Variants in RSRC1 observed in about 807,000 individuals in gnomAD.
RSRC1 encodes serine/Arginine-related protein 53.
A neutral mutation model predicts 49.1 loss-of-function variants in RSRC1; 39 were observed. That is an observed-to-expected ratio of 0.79 (90% CI 0.61 to 1.04). The LOEUF is 1.04. RSRC1 is among the 50% of genes least tolerant of loss of function. The pLI, the probability that RSRC1 is intolerant of heterozygous loss-of-function variation, is 0.00. For synonymous variants in RSRC1, 143 were observed against 130.8 expected (o/e 1.09, Z -0.63); for missense variants, 388 against 402.4 (o/e 0.96, Z 0.31).
chr3:158,421,236 C>T (rs1439726587), intron 6 of RSRC1, among the ~76,000 whole-genome samples: 1 of 151,804 alleles, frequency 6.6e-6, no homozygotes, highest in African/African-American at 2.4e-5. Context: ...CTGGATGGAG[C>T]TGTTAAGAAG....
At chr3:158,301,489 G>T (rs2108124246) in intron 5 of RSRC1, among the ~76,000 whole-genome samples, 1 of 152,054 alleles carries the variant, frequency 6.6e-6, no homozygotes, top group East Asian at 1.9e-4. Flanking sequence ...TTGATGCTCA[G>T]ATTGTCCCAG....
chr3:158,178,858 G>T (rs771167465), intron 3 of RSRC1, among the ~76,000 whole-genome samples: 2 of 152,024 alleles, frequency 1.3e-5, no homozygotes, highest in Non-Finnish European at 2.9e-5. Flanking sequence ...ATTAGGTTTT[G>T]ACCTTTTTTT....
At chr3:158,460,293 G>C (rs1034221396) in intron 6 of RSRC1, among the ~76,000 whole-genome samples, 4 of 151,828 alleles carry the variant, frequency 2.6e-5, no homozygotes, top group African/African-American at 7.2e-5. Flanking sequence ...TTAATTTACA[G>C]AGTATATTGA....
At chr3:158,500,517 T>A (rs1412851243) in intron 7 of RSRC1, among the ~76,000 whole-genome samples, 4 of 152,266 alleles carry the variant, frequency 2.6e-5, no homozygotes, top group South Asian at 2.1e-4. Context: ...ATAATTTTTT[T>A]AATTACCATT....
intron 7 of RSRC1, among the ~76,000 whole-genome samples, chr3:158,502,877 G>A (rs185175550): frequency 2.6e-5 from 4 of 152,222 alleles, no homozygotes; most frequent in Admixed American, 2.0e-4. Flanking sequence ...TGATTTCAGG[G>A]ATTTCTTTTT....
intron 6 of RSRC1, among the ~76,000 whole-genome samples, chr3:158,398,828 CAT>C (rs1316001861): frequency 2.6e-5 from 4 of 152,030 alleles, no homozygotes; most frequent in African/African-American, 9.7e-5. Flanking sequence ...TACTGGGAAA[CAT>C]AGCAAGTATT....
chr3:158,346,662 T>A (rs1156517950), intron 5 of RSRC1, among the ~76,000 whole-genome samples: 1 of 152,192 alleles, frequency 6.6e-6, no homozygotes, highest in Non-Finnish European at 1.5e-5. Flanking sequence ...ACTGTAACTC[T>A]CATACCCTAC....
intron 5 of RSRC1, among the ~76,000 whole-genome samples, chr3:158,320,594 A>G (rs827117): frequency 0.95 from 144,096 of 152,254 alleles, 68,293 homozygotes; most frequent in East Asian, 1. Flanking sequence ...GCTATTCACA[A>G]CAATAATTCC....
chr3:158,148,306 C>T (rs1717288101), intron 3 of RSRC1, among the ~76,000 whole-genome samples: 1 of 151,876 alleles, frequency 6.6e-6, no homozygotes. Context: ...GCAATTTGAT[C>T]ATTCTCCTCA....
chr3:158,205,675 GAGT>G (rs1174296194), intron 4 of RSRC1, among the ~76,000 whole-genome samples: 1 of 152,112 alleles, frequency 6.6e-6, no homozygotes, highest in Non-Finnish European at 1.5e-5. Flanking sequence ...ACCTAACTAA[GAGT>G]AGCTTAAATT....
intron 3 of RSRC1, among the ~76,000 whole-genome samples, chr3:158,188,047 A>G (rs183322235): frequency 6.6e-5 from 10 of 152,024 alleles, no homozygotes; most frequent in African/African-American, 2.4e-4. Context: ...TACTTTACCA[A>G]TATCAAGGCT....
intron 3 of RSRC1, among the ~76,000 whole-genome samples, chr3:158,153,446 T>A (rs1646245417): frequency 6.6e-6 from 1 of 152,206 alleles, no homozygotes; most frequent in East Asian, 1.9e-4. Flanking sequence ...CTAGCCACAA[T>A]GTTTCTGCTG....
intron 6 of RSRC1, among the ~76,000 whole-genome samples, chr3:158,456,769 A>G (rs1321958629): frequency 6.6e-6 from 1 of 152,186 alleles, no homozygotes; most frequent in African/African-American, 2.4e-5. Context: ...GCAAGGCTAG[A>G]TTATATAGAT....
At chr3:158,294,557 T>A (rs827128) in intron 4 of RSRC1, among the ~76,000 whole-genome samples, 1 of 151,624 alleles carries the variant, frequency 6.6e-6, no homozygotes, top group Non-Finnish European at 1.5e-5. Flanking sequence ...TTTAGCTGCC[T>A]TGGATAGCAA....
chr3:158,438,893 AG>A (rs1416780799), intron 6 of RSRC1, among the ~76,000 whole-genome samples: 3 of 151,984 alleles, frequency 2.0e-5, no homozygotes, highest in Non-Finnish European at 4.4e-5. Flanking sequence ...CCTACAGAAT[AG>A]GAAAATTTTT....
At chr3:158,312,902 T>C (rs557352192) in intron 5 of RSRC1, among the ~76,000 whole-genome samples, 1 of 152,298 alleles carries the variant, frequency 6.6e-6, no homozygotes, top group Non-Finnish European at 1.5e-5. Flanking sequence ...TCATGAAGGA[T>C]GAAGTCCAAA....
chr3:158,528,537 C>A lies in RSRC1; in HGVS notation c.653-8555C>A, dbSNP rs551459644. 5.3e-5 allele frequency among the ~76,000 whole-genome samples: 8 copies of A among 151,958 alleles called. 1 individual carries two copies. In the South Asian group the frequency reaches 1.5e-3, roughly 28 times the overall value. Reference sequence around the variant, plus strand: ...TGTCTGCATTAGCTCTCCTGACAGGCGAGTTGTGTGTGGTTATGGGGTGTT... The same window carrying A: ...TGTCTGCATTAGCTCTCCTGACAGGAGAGTTGTGTGTGGTTATGGGGTGTT... On this transcript the variant is annotated intron_variant, in intron 7 of 9. Transcript: ENST00000611884.
Position 158,202,562 on chromosome 3 carries a change from T to TTATATATATATATATA in RSRC1, c.321-506_321-491dup, listed in dbSNP as rs56789942. Among the ~76,000 whole-genome samples, 110 of 91,994 alleles carry TTATATATATATATATA rather than the reference T, an allele frequency of 1.2e-3. 6 individuals carry two copies. Among genetic ancestry groups the TTATATATATATATATA allele is most frequent in the African/African-American group, 4.1e-3 (77 of 18,928 alleles). 60.4% of individuals were successfully genotyped at this position (91,994 alleles called of 152,430 possible). On this transcript the variant is annotated intron_variant, in intron 3 of 9. Transcript: ENST00000611884. ...TCTGTAGGGTTGTCAGTCTGGTAGA[T>TTATATATATATATATA]TATATATATATATATATATGTTTTA...
chr3:158,413,643 G>A (rs567084703), intron 6 of RSRC1, among the ~76,000 whole-genome samples: 37 of 109,420 alleles, frequency 3.4e-4, no homozygotes, highest in Middle Eastern at 5.2e-3. Flanking sequence ...AAAATTACAA[G>A]AGAAAAAAAA....
Sources: gnomAD v4.1 joint callset for allele counts (sites outside exome capture counted in the v4.1 genomes callset) on GRCh38, gnomAD v4.1.1 for gene constraint, MANE v1.5 for transcripts, NCBI Gene and HGNC (gene_info 2026-07-23, HGNC 2026-07-21) for gene names.